TCAIM: variants seen among roughly 807,000 people sequenced by gnomAD.
TCAIM encodes the protein T cell activation inhibitor, mitochondrial.
A neutral mutation model predicts 58.6 loss-of-function variants in TCAIM; 36 were observed. The ratio of observed to expected loss-of-function variants is 0.61; its 90% CI spans 0.47 to 0.81. The LOEUF (loss-of-function observed/expected upper bound fraction) is 0.81. Among genes scored for constraint, TCAIM ranks in the 30% least tolerant of loss-of-function variants. TCAIM has a pLI of 0.00. For synonymous variants in TCAIM, 172 were observed against 193.6 expected (o/e 0.89, Z 0.93); for missense variants, 466 against 579.6 (o/e 0.80, Z 2.01).
intron 3 of TCAIM, chr3:44,358,201 C>CT (rs760124398): frequency 0.15 from 149,400 of 983,548 alleles, no homozygotes; most frequent in South Asian, 0.17. Flanking sequence ...ATCTCTCTCT[C>CT]TTTTTTTTTT....
At chr3:44,375,850 A>G (rs1275452494) in intron 5 of TCAIM, among the ~76,000 whole-genome samples, 1 of 152,236 alleles carries the variant, frequency 6.6e-6, no homozygotes, top group African/African-American at 2.4e-5. Flanking sequence ...ACTCAAGAGA[A>G]ATGAAAACAG....
intron 5 of TCAIM, among the ~76,000 whole-genome samples, chr3:44,370,744 TTCTTTCTTTC>T (rs1416176587): frequency 1.8e-5 from 1 of 56,144 alleles, no homozygotes; most frequent in Admixed American, 3.0e-4. Flanking sequence ...CTTTCTTTCT[TTCTTTCTTTC>T]TTTTTTTTTG....
chr3:44,356,659 C>G (rs757876698), intron 2 of TCAIM, among the ~76,000 whole-genome samples: 1 of 151,868 alleles, frequency 6.6e-6, no homozygotes, highest in Non-Finnish European at 1.5e-5. Flanking sequence ...AGGTGGGTTA[C>G]AAAACTTAAG....
chr3:44,406,089 C>T (rs1702096677), intron 10 of TCAIM, among the ~76,000 whole-genome samples: 2 of 152,168 alleles, frequency 1.3e-5, no homozygotes, highest in African/African-American at 4.8e-5. Context: ...CTCAATGCTT[C>T]TCTAAGATTG....
Position 44,389,626 on chromosome 3 carries a change from T to C in TCAIM, c.573-3229T>C, listed in dbSNP as rs1267944591. Reference sequence around the variant, plus strand: ...GTAATGCCATATCCAATAGTAGTGATGTAAATTAAGATATTTTTACCTGCT... The same window carrying C: ...GTAATGCCATATCCAATAGTAGTGACGTAAATTAAGATATTTTTACCTGCT... On this transcript the variant is annotated intron_variant, in intron 5 of 10. Transcript: ENST00000342649. 3.3e-5 allele frequency among the ~76,000 whole-genome samples: 5 copies of C among 152,188 alleles called. No individual in the cohort carries two copies. In the South Asian group the frequency reaches 1.0e-3, roughly 31 times the overall value.
chr3:44,384,026 C>G (rs778203781), intron 5 of TCAIM, among the ~76,000 whole-genome samples: 25 of 152,082 alleles, frequency 1.6e-4, no homozygotes, highest in Non-Finnish European at 3.4e-4. Flanking sequence ...TAAAAAACTT[C>G]TTGCTTAGTA....
rs1701248730 is a variant in TCAIM at position 44,358,882 on chromosome 3, T to C, written c.165+1006T>C. ...TTGCAATGGAAAATCTATTTTGCTT[T>C]TTTGCTTCTAGGAAAATATTCTGAT... On this transcript the variant is annotated intron_variant, in intron 3 of 10. Transcript: ENST00000342649. 3 of 985,308 alleles carry C rather than the reference T, an allele frequency of 3.0e-6. No homozygotes were observed. The South Asian group carries it at 1.4e-4, about 46-fold the overall frequency. The allele number at this position is 985,308 out of a possible 1,614,324, so 61.0% of individuals were successfully genotyped here.
intron 1 of TCAIM, among the ~76,000 whole-genome samples, chr3:44,350,393 A>T (rs1448481546): frequency 4.6e-5 from 7 of 151,620 alleles, no homozygotes; most frequent in African/African-American, 1.7e-4. Context: ...GAGGCCTGAC[A>T]ATTACCTCCC....
At chr3:44,405,693 C>T (rs1481382591) in intron 10 of TCAIM, among the ~76,000 whole-genome samples, 1 of 151,732 alleles carries the variant, frequency 6.6e-6, no homozygotes, top group African/African-American at 2.4e-5. Context: ...CAGTGGCTCA[C>T]ACCTGTAATC....
chr3:44,339,235 T>A (rs1409830025), intron 1 of TCAIM, among the ~76,000 whole-genome samples: 1 of 152,182 alleles, frequency 6.6e-6, no homozygotes, highest in African/African-American at 2.4e-5. Flanking sequence ...GCCATGAAAA[T>A]TACCGCTTTT....
rs112764585 is a variant in TCAIM at position 44,405,605 on chromosome 3, C to T, written c.1251-1837C>T. The stretch of plus-strand genomic sequence containing the variant: ...GGAGGTTTGCCTAAGCCTGGGTGGT[C>T]AAGGCTGCAGTGAACCATGGTCACG... On this transcript the variant is annotated intron_variant, in intron 10 of 10. Coordinates refer to ENST00000342649, the MANE Select transcript of TCAIM (RefSeq NM_173826.4). Among the ~76,000 whole-genome samples the T allele has an allele frequency of 8.6e-3, 1,303 of 151,710 alleles. 15 individuals are homozygous for T. Among genetic ancestry groups the T allele is most frequent in the African/African-American group, 0.026 (1,092 of 41,336 alleles).
intron 5 of TCAIM, among the ~76,000 whole-genome samples, chr3:44,386,258 TAG>T (rs1701740053): frequency 6.7e-6 from 1 of 148,532 alleles, no homozygotes; most frequent in Non-Finnish European, 1.5e-5. Context: ...CACACCTATA[TAG>T]TTCTTTCTAC....
chr3:44,397,359 T>G (rs980555604), intron 8 of TCAIM, among the ~76,000 whole-genome samples: 2 of 152,130 alleles, frequency 1.3e-5, no homozygotes, highest in Non-Finnish European at 2.9e-5. Flanking sequence ...TATAGATTAG[T>G]TTTGGAGTTT....
rs866593493 is a variant in TCAIM, at chr3:44,367,786, C to T, written c.572+78C>T. On this transcript the variant is annotated intron_variant, in intron 5 of 10. Transcript: ENST00000342649. ...CACTGATTTATTGGGATGGCAAAAA[C>T]ATTTTTTTATAAATAAAAAGTGTAG... 22 of 1,357,888 alleles carry T rather than the reference C, an allele frequency of 1.6e-5. No homozygotes were observed. The South Asian group carries it at 3.7e-4, about 23-fold the overall frequency. The allele number at this position is 1,357,888 out of a possible 1,614,324, so 84.1% of individuals were successfully genotyped here. A position where few individuals can be genotyped will look rare whatever the true frequency, so the allele number is the denominator to read the frequency against.
At chr3:44,341,277 A>G (rs1700850017) in intron 1 of TCAIM, 1 of 152,180 alleles carries the variant, frequency 6.6e-6, no homozygotes, top group African/African-American at 2.4e-5. Flanking sequence ...ATTAATTCAT[A>G]AAAAGACAAT....
At chr3:44,362,790 G>A (rs922179929) in intron 4 of TCAIM, 10 of 176,578 alleles carry the variant, frequency 5.7e-5, no homozygotes, top group African/African-American at 2.4e-4. Context: ...TGAATGTGCT[G>A]TTCCTAGGCA....
At chr3:44,389,744 A>AT (rs950679560) in intron 5 of TCAIM, among the ~76,000 whole-genome samples, 1 of 110,448 alleles carries the variant, frequency 9.1e-6, no homozygotes, top group Non-Finnish European at 2.0e-5. Flanking sequence ...AAGTCATTGA[A>AT]TTAAAAAAAA....
chr3:44,390,881 AC>A (rs1701823046), intron 5 of TCAIM, among the ~76,000 whole-genome samples: 1 of 151,930 alleles, frequency 6.6e-6, no homozygotes, highest in African/African-American at 2.4e-5. Flanking sequence ...CCTGGGGCCC[AC>A]CCCCAACCAC....
intron 5 of TCAIM, among the ~76,000 whole-genome samples, chr3:44,384,111 A>G (rs140622488): frequency 6.9e-4 from 105 of 152,298 alleles, no homozygotes; most frequent in African/African-American, 2.4e-3. Context: ...TTTTATCTCA[A>G]TAGTAATTAA....
Sources: allele counts gnomAD v4.1 joint callset (sites outside exome capture counted in the v4.1 genomes callset), GRCh38; gene constraint gnomAD v4.1.1; transcripts MANE v1.5; gene names NCBI Gene and HGNC (gene_info 2026-07-23, HGNC 2026-07-21).